The following SPMIP4 variants were observed in gnomAD, a reference collection of about 807,000 sequenced individuals.
SPMIP4 encodes sperm-associated microtubule inner protein 4.
At chr7:25,137,026 C>T in the SPMIP4 span, among the ~76,000 whole-genome samples, 1 of 152,158 alleles carries the variant, frequency 6.6e-6, no homozygotes, top group Non-Finnish European at 1.5e-5. Context: ...TTTGGCTATA[C>T]AGAACTCTTT....
chr7:25,163,567 T>A, the SPMIP4 span, among the ~76,000 whole-genome samples: 80 of 152,298 alleles, frequency 5.3e-4, no homozygotes, highest in African/African-American at 1.9e-3. The surrounding 1 kb of genome is among the most constrained non-coding windows in gnomAD (Gnocchi z 4.4). Flanking sequence ...CATAACGAAG[T>A]GATCATGGCG....
the SPMIP4 span, among the ~76,000 whole-genome samples, chr7:25,165,283 T>G: frequency 2.9e-3 from 444 of 152,308 alleles, 1 homozygote; most frequent in African/African-American, 9.9e-3. Flanking sequence ...TAGGATGCAT[T>G]GGTGATGGTT....
the SPMIP4 span, among the ~76,000 whole-genome samples, chr7:25,163,408 C>G: frequency 6.6e-6 from 1 of 152,110 alleles, no homozygotes; most frequent in Non-Finnish European, 1.5e-5. This position sits in a 1 kb window ranked among gnomAD's most constrained non-coding sequence, Gnocchi z 4.4. Context: ...CCGAATGGCC[C>G]TGGAGTGTGA....
At chr7:25,151,993 T>C in the SPMIP4 span, among the ~76,000 whole-genome samples, 29 of 152,218 alleles carry the variant, frequency 1.9e-4, no homozygotes, top group African/African-American at 7.0e-4. Flanking sequence ...TTGTTGCTCT[T>C]GAATTCTTGA....
At chr7:25,135,329 A>T in the SPMIP4 span, 1 of 985,384 alleles carries the variant, frequency 1.0e-6, no homozygotes, top group Non-Finnish European at 1.2e-6. Context: ...GGTTAAGGGT[A>T]AGCAAACAAT....
chr7:25,135,630 A>C, the SPMIP4 span: 1 of 848,476 alleles, frequency 1.2e-6, no homozygotes, highest in Non-Finnish European at 1.4e-6. Context: ...CAGCTTTTCA[A>C]TTTTTTTTGG....
the SPMIP4 span, among the ~76,000 whole-genome samples, chr7:25,127,536 TTTAA>T: frequency 2.6e-5 from 4 of 152,214 alleles, no homozygotes; most frequent in African/African-American, 9.6e-5. Context: ...CTAGATTCTT[TTTAA>T]TTGTTTTAAT....
At chr7:25,135,075 C>T in the SPMIP4 span, 46 of 456,686 alleles carry the variant, frequency 1.0e-4, no homozygotes, top group Non-Finnish European at 1.2e-4. Context: ...TGAACTTCCA[C>T]GATAGACTAT....
At chr7:25,151,897 C>G in the SPMIP4 span, among the ~76,000 whole-genome samples, 4 of 152,116 alleles carry the variant, frequency 2.6e-5, no homozygotes, top group South Asian at 2.1e-4. Flanking sequence ...CCAAGCTGGA[C>G]TTGAACCCTT....
At chr7:25,151,466 G>T in the SPMIP4 span, 1 of 580,660 alleles carries the variant, frequency 1.7e-6, no homozygotes. Context: ...CAAGCAATCT[G>T]CCCACCTTGG....
the SPMIP4 span, among the ~76,000 whole-genome samples, chr7:25,154,426 G>T: frequency 3.3e-5 from 5 of 152,298 alleles, no homozygotes; most frequent in South Asian, 1.0e-3. Flanking sequence ...AGACCGAGGT[G>T]TCTAGTGTGG....
At chr7:25,140,684 C>T in the SPMIP4 span, among the ~76,000 whole-genome samples, 90,833 of 151,168 alleles carry the variant, frequency 0.6, 28,387 homozygotes, top group Non-Finnish European at 0.69. Context: ...ATCCCCCTGG[C>T]TGAAGCGATT....
At chr7:25,169,697 C>T in the SPMIP4 span, among the ~76,000 whole-genome samples, 1 of 152,114 alleles carries the variant, frequency 6.6e-6, no homozygotes, top group Non-Finnish European at 1.5e-5. Flanking sequence ...GTCTCAGCCT[C>T]CCGAGTAGCT....
the SPMIP4 span, chr7:25,142,207 C>A: frequency 1.0e-5 from 16 of 1,525,966 alleles, no homozygotes; most frequent in Non-Finnish European, 1.4e-5. Context: ...GCACTCTCCC[C>A]CAAAATAACT....
the SPMIP4 span, among the ~76,000 whole-genome samples, chr7:25,130,371 T>C: frequency 5.4e-5 from 8 of 148,956 alleles, no homozygotes; most frequent in African/African-American, 1.2e-4. Flanking sequence ...GTAGTACAAT[T>C]GCGCGATCTC....
At chr7:25,179,416 T>C in the SPMIP4 span, 1 of 1,257,200 alleles carries the variant, frequency 8.0e-7, no homozygotes, top group Non-Finnish European at 1.1e-6. Context: ...TTGTTCAACC[T>C]GACGCTGCAC....
chr7:25,129,894 G>A, the SPMIP4 span, among the ~76,000 whole-genome samples: 14 of 152,012 alleles, frequency 9.2e-5, 1 homozygote, highest in African/African-American at 3.4e-4. Context: ...AAGGATGGGA[G>A]ATAATTTTCA....
chr7:25,156,472 T>A, the SPMIP4 span, among the ~76,000 whole-genome samples: 94 of 152,338 alleles, frequency 6.2e-4, no homozygotes, highest in African/African-American at 2.2e-3. Flanking sequence ...TTTGTCGTTT[T>A]TTAAAAAATA....
At chr7:25,175,189 A>G in the SPMIP4 span, among the ~76,000 whole-genome samples, 6 of 152,204 alleles carry the variant, frequency 3.9e-5, no homozygotes, top group Non-Finnish European at 7.4e-5. Flanking sequence ...GTGATTTTGA[A>G]GTACCCTGTC....
Sources: gnomAD v4.1 joint callset for allele counts (sites outside exome capture counted in the v4.1 genomes callset) on GRCh38, gnomAD v4.1.1 for gene constraint, Gnocchi (gnomAD v3.1) non-coding constraint, MANE v1.5 for transcripts, NCBI Gene and HGNC (gene_info 2026-07-23, HGNC 2026-07-21) for gene names.